MTHFD1L: variants seen among roughly 807,000 people sequenced by gnomAD.
MTHFD1L encodes the protein monofunctional C1-tetrahydrofolate synthase, mitochondrial.
Under a neutral mutation model 119.5 loss-of-function variants are expected in MTHFD1L, and 81 were observed. That is an observed-to-expected ratio of 0.68 (90% CI 0.57 to 0.82). MTHFD1L has a LOEUF of 0.82. Ranked by LOEUF, MTHFD1L falls within the 40% of genes least tolerant of loss-of-function variation. The pLI is 0.00. For missense variants in MTHFD1L, 1,125 were observed against 1,253.4 expected, an observed-to-expected ratio of 0.90 and a Z score of 1.55; for synonymous variants, 430 against 475.2, an observed-to-expected ratio of 0.90 and a Z score of 1.24.
intron 26 of MTHFD1L, among the ~76,000 whole-genome samples, chr6:151,089,181 A>G (rs1794135040): frequency 6.6e-6 from 1 of 152,140 alleles, no homozygotes; most frequent in South Asian, 2.1e-4. Flanking sequence ...TGACCTAGAG[A>G]GTTCATTTCA....
intron 16 of MTHFD1L, among the ~76,000 whole-genome samples, chr6:150,953,471 C>T (rs1485070129): frequency 3.3e-5 from 5 of 152,218 alleles, no homozygotes; most frequent in Admixed American, 2.6e-4. Flanking sequence ...CGGGACTAGG[C>T]ACAAGTAGCC....
chr6:150,990,689 CA>C (rs1279695775), intron 20 of MTHFD1L, among the ~76,000 whole-genome samples: 7 of 152,192 alleles, frequency 4.6e-5, no homozygotes, highest in Admixed American at 3.9e-4. Flanking sequence ...CTTGAACTCC[CA>C]ACCTCAGGTG....
At chr6:151,064,576 G>C (rs1791013008) in intron 26 of MTHFD1L, among the ~76,000 whole-genome samples, 1 of 152,134 alleles carries the variant, frequency 6.6e-6, no homozygotes, top group African/African-American at 2.4e-5. Flanking sequence ...GCCTCCCAAA[G>C]TGCTGGAATT....
At chr6:150,870,679 G>C (rs1779259862) in intron 1 of MTHFD1L, among the ~76,000 whole-genome samples, 1 of 152,082 alleles carries the variant, frequency 6.6e-6, no homozygotes, top group African/African-American at 2.4e-5. Context: ...TTGGGAGGCT[G>C]AAGTGGGTGG....
chr6:150,903,817 G>A (rs938992876), intron 7 of MTHFD1L, among the ~76,000 whole-genome samples: 5 of 152,190 alleles, frequency 3.3e-5, no homozygotes, highest in African/African-American at 1.2e-4. Flanking sequence ...CTGAAAAGCA[G>A]GGAATACTGT....
At chr6:151,086,272 C>G (rs1347776296) in intron 26 of MTHFD1L, among the ~76,000 whole-genome samples, 1 of 152,010 alleles carries the variant, frequency 6.6e-6, no homozygotes, top group Admixed American at 6.6e-5. Flanking sequence ...TAGTGTGTGT[C>G]TCTCTCTCCC....
At position 150,870,978 on chromosome 6, in the gene MTHFD1L, TATATA is replaced by T. The variant is rs1009316483; in HGVS notation, c.227+4940_227+4944del. Among the ~76,000 whole-genome samples, 11 of 144,706 alleles carry T rather than the reference TATATA, an allele frequency of 7.6e-5. No individual in the cohort carries two copies. In the South Asian group the frequency reaches 8.6e-4, roughly 11 times the overall value. The allele number at this position is 144,706 out of a possible 152,430, so 94.9% of individuals were successfully genotyped here. ...ATATATATATTATATATATAAAATA[TATATA>T]ATATAATATACCTTAATTATAATAT... On this transcript the variant is annotated intron_variant, in intron 1 of 27. Coordinates refer to ENST00000367321, the MANE Select transcript of MTHFD1L (RefSeq NM_015440.5).
chr6:151,053,765 C>T (rs1789446114), intron 26 of MTHFD1L, among the ~76,000 whole-genome samples: 1 of 150,794 alleles, frequency 6.6e-6, no homozygotes, highest in Non-Finnish European at 1.5e-5. Context: ...GAGGCTGAGG[C>T]AGGAGAATCT....
chr6:150,869,358 T>C lies in MTHFD1L; in HGVS notation c.227+3309T>C, dbSNP rs148558292. Among the ~76,000 whole-genome samples the C allele has an allele frequency of 8.7e-3, 1,322 of 152,122 alleles. 26 individuals carry two copies. The highest frequency in any genetic ancestry group is 0.03 in the African/African-American group (1,233 of 41,492). On this transcript the variant is annotated intron_variant, in intron 1 of 27. Transcript: ENST00000367321. ...CCACCCCCTGACAGACCCTGGTGTG[T>C]GATGTTCCCCTCCCTGGGTCCACGT...
intron 21 of MTHFD1L, among the ~76,000 whole-genome samples, chr6:151,012,019 C>CAAAAAAAAAAAAAAAAA (rs1043831602): frequency 5.1e-5 from 3 of 58,840 alleles, no homozygotes; most frequent in African/African-American, 1.2e-4. Flanking sequence ...ACAACAACAA[C>CAAAAAAAAAAAAAAAAA]AAAAAAAAAA....
At chr6:150,946,298 C>T (rs760069926) in intron 15 of MTHFD1L, among the ~76,000 whole-genome samples, 1 of 152,132 alleles carries the variant, frequency 6.6e-6, no homozygotes, top group Non-Finnish European at 1.5e-5. Flanking sequence ...TACAGACACG[C>T]ACCACCGCAC....
intron 9 of MTHFD1L, 78 bp downstream of exon 9, chr6:150,918,746 C>G: frequency 8.5e-7 from 1 of 1,176,736 alleles, no homozygotes; most frequent in Non-Finnish European, 1.3e-6. Context: ...CAAGTGGTTT[C>G]TGTTTACCAG....
intron 1 of MTHFD1L, chr6:150,866,532 C>T (rs1283264565): frequency 2.4e-6 from 3 of 1,271,698 alleles, no homozygotes; most frequent in Admixed American, 4.3e-5. Context: ...GGCCCAGCGC[C>T]GCCCGCGCGA....
intron 19 of MTHFD1L, 144 bp downstream of exon 19, chr6:150,965,181 C>T (rs1037825120): frequency 5.9e-6 from 4 of 681,496 alleles, no homozygotes; most frequent in Non-Finnish European, 5.2e-6. Flanking sequence ...GAGTGAGGAT[C>T]TGGTTAGGAA....
At chr6:151,033,217 T>C (rs890213720) in intron 24 of MTHFD1L, among the ~76,000 whole-genome samples, 6 of 150,622 alleles carry the variant, frequency 4.0e-5, no homozygotes, top group African/African-American at 1.5e-4. Context: ...CCTCCCAGGG[T>C]CAAGCGATTC....
intron 20 of MTHFD1L, among the ~76,000 whole-genome samples, chr6:150,985,681 A>AAAAAG (rs1491457234): frequency 2.7e-5 from 4 of 145,830 alleles, no homozygotes; most frequent in Non-Finnish European, 4.5e-5. Context: ...AAAAAAAAAA[A>AAAAAG]GAAAGAAAGA....
intron 24 of MTHFD1L, 27 bp downstream of exon 24, chr6:151,015,720 A>T: frequency 6.2e-7 from 1 of 1,606,502 alleles, no homozygotes; most frequent in Non-Finnish European, 8.5e-7. Context: ...ACAATGGCTC[A>T]CATTTCTTAC....
At chr6:150,918,790 G>C (rs1201378817) in intron 9 of MTHFD1L, 122 bp downstream of exon 9, 5 of 738,530 alleles carry the variant, frequency 6.8e-6, no homozygotes, top group Admixed American at 2.5e-5. Context: ...ACAGTGTTAG[G>C]CCCATTTGAT....
At chr6:150,978,120 C>T (rs547155405) in intron 20 of MTHFD1L, among the ~76,000 whole-genome samples, 17 of 152,060 alleles carry the variant, frequency 1.1e-4, no homozygotes, top group African/African-American at 2.9e-4. Flanking sequence ...AGGCTGGTCT[C>T]GAACTGACCT....
Sources: gnomAD v4.1 joint callset for allele counts (sites outside exome capture counted in the v4.1 genomes callset) on GRCh38, gnomAD v4.1.1 for gene constraint, MANE v1.5 for transcripts, NCBI Gene and HGNC (gene_info 2026-07-23, HGNC 2026-07-21) for gene names.